RASAL2: variants seen among roughly 807,000 people sequenced by gnomAD.
RASAL2 encodes the protein ras GTPase-activating protein nGAP.
A neutral mutation model predicts 128.9 loss-of-function variants in RASAL2; 58 were observed. That is an observed-to-expected ratio of 0.45 (90% CI 0.36 to 0.56). The LOEUF (loss-of-function observed/expected upper bound fraction) is 0.56, where lower values mean the gene tolerates loss of function less well. Among genes scored for constraint, RASAL2 ranks in the 20% least tolerant of loss-of-function variants. RASAL2 has a pLI of 0.00. For missense variants in RASAL2, 1,360 were observed against 1,601.6 expected, an observed-to-expected ratio of 0.85 and a Z score of 2.57; for synonymous variants, 561 against 580.8, an observed-to-expected ratio of 0.97 and a Z score of 0.49.
At chr1:178,376,237 C>A (rs1481115696) in intron 3 of RASAL2, among the ~76,000 whole-genome samples, 1 of 152,044 alleles carries the variant, frequency 6.6e-6, no homozygotes, top group Non-Finnish European at 1.5e-5. Flanking sequence ...TGTTGATAAC[C>A]TGTGAAAGTG....
At chr1:178,331,224 G>A (rs527605561) in intron 3 of RASAL2, among the ~76,000 whole-genome samples, 3 of 152,202 alleles carry the variant, frequency 2.0e-5, no homozygotes, top group Non-Finnish European at 4.4e-5. Context: ...CTGTCACCCA[G>A]GCCAAGATAC....
chr1:178,288,622 G>C (rs569325851), intron 2 of RASAL2, among the ~76,000 whole-genome samples: 1 of 143,442 alleles, frequency 7.0e-6, no homozygotes. Flanking sequence ...ATTCCCATCA[G>C]CATGCTATTC....
intron 1 of RASAL2, among the ~76,000 whole-genome samples, chr1:178,185,788 A>G (rs985182392): frequency 1.3e-5 from 2 of 152,076 alleles, no homozygotes; most frequent in Admixed American, 6.5e-5. Flanking sequence ...ATGATTTGCT[A>G]ATATTTTGTT....
At chr1:178,415,680 A>G (rs1674705212) in intron 4 of RASAL2, among the ~76,000 whole-genome samples, 1 of 152,108 alleles carries the variant, frequency 6.6e-6, no homozygotes, top group South Asian at 2.1e-4. Flanking sequence ...GTCTTCAACT[A>G]TATAGATTTA....
chr1:178,354,749 A>G (rs1166545557), intron 3 of RASAL2, among the ~76,000 whole-genome samples: 1 of 152,266 alleles, frequency 6.6e-6, no homozygotes, highest in East Asian at 1.9e-4. Context: ...TAAATCTTTT[A>G]AAAGATGTGT....
intron 1 of RASAL2, among the ~76,000 whole-genome samples, chr1:178,164,732 G>A (rs1661459038): frequency 6.6e-6 from 1 of 151,318 alleles, no homozygotes; most frequent in Non-Finnish European, 1.5e-5. Context: ...TTTTGGTGGA[G>A]TGATATGTTG....
At position 178,464,831 on chromosome 1, in the gene RASAL2, G is replaced by GTTTTTTTTTTTTTTT. The variant is rs986789340; in HGVS notation, c.3387+430_3387+444dup. Among the ~76,000 whole-genome samples the GTTTTTTTTTTTTTTT allele has an allele frequency of 3.4e-3, 130 of 38,198 alleles. 2 individuals are homozygous for GTTTTTTTTTTTTTTT. The highest frequency in any genetic ancestry group is 8.0e-3 in the East Asian group (8 of 998). The allele number at this position is 38,198 out of a possible 152,430, so 25.1% of individuals were successfully genotyped here. A position where few individuals can be genotyped will look rare whatever the true frequency, so the allele number is the denominator to read the frequency against. On this transcript the variant is annotated intron_variant, in intron 15 of 17. Coordinates refer to ENST00000367649, the MANE Select transcript of RASAL2 (RefSeq NM_170692.4). ...TAACAATTAGGTTTTGGTTTTAGTT[G>GTTTTTTTTTTTTTTT]TTTTTTTTTTTTTTTTTTTTTTTTT... is the stretch of plus-strand genomic sequence containing the variant.
rs954359080 is a variant in RASAL2, at chr1:178,473,347, G to A, written c.*108G>A. The stretch of plus-strand genomic sequence containing the variant: ...CAGAATGTTGCTACTTCACAATGGC[G>A]ATGTGGTGAGAAACTCCTGAATGAA... On this transcript the variant is annotated 3_prime_UTR_variant, in exon 18 of 18. Transcript: ENST00000367649. 47 of 1,353,988 alleles carry A rather than the reference G, an allele frequency of 3.5e-5. No homozygotes were observed. The highest frequency in any genetic ancestry group is 6.6e-5 in the Admixed American group (3 of 45,734). The allele number at this position is 1,353,988 out of a possible 1,614,324, so 83.9% of individuals were successfully genotyped here.
At chr1:178,161,587 C>A (rs775698404) in intron 1 of RASAL2, among the ~76,000 whole-genome samples, 16 of 152,082 alleles carry the variant, frequency 1.1e-4, no homozygotes, top group African/African-American at 2.9e-4. Flanking sequence ...TTTGTGAACA[C>A]GTTTGTTGTT....
intron 1 of RASAL2, among the ~76,000 whole-genome samples, chr1:178,282,513 T>C (rs1335915479): frequency 1.3e-5 from 2 of 152,162 alleles, no homozygotes; most frequent in African/African-American, 4.8e-5. Context: ...GCCAGTAATA[T>C]ACCTATCATC....
Position 178,441,621 on chromosome 1 carries a change from C to T in RASAL2, c.901C>T (p.Leu301Phe). The part of the protein sequence containing the change: ...ASERDKWMEN[L>F]RRTVQPNKDN... ...TGAGAGAGACAAGTGGATGGAAAAC[C>T]TTCGCAGGACAGTTCAACCTAATAA... The change falls in exon 7 of 18, where the codon CTT (leucine) becomes TTT (phenylalanine). Residue 301 changes from leucine (L) to phenylalanine (F), a missense_variant. By Grantham distance (22) the Leu-to-Phe change is conservative. Around this residue, in one of 3 missense-constraint regions of RASAL2, gnomAD observed 617 missense variants for 714.2 expected, o/e 0.86. Coordinates refer to ENST00000367649, the MANE Select transcript of RASAL2 (RefSeq NM_170692.4). 1 of 1,612,286 alleles carries T rather than the reference C, an allele frequency of 6.2e-7. No individual in the cohort carries two copies.
intron 3 of RASAL2, among the ~76,000 whole-genome samples, chr1:178,389,700 C>T (rs1259838649): frequency 2.0e-5 from 3 of 152,170 alleles, no homozygotes; most frequent in Non-Finnish European, 2.9e-5. Context: ...AAATCATATG[C>T]AACATTAGAC....
chr1:178,193,090 T>G (rs1662545124), intron 1 of RASAL2, among the ~76,000 whole-genome samples: 1 of 152,184 alleles, frequency 6.6e-6, no homozygotes, highest in African/African-American at 2.4e-5. Flanking sequence ...AAAATATATT[T>G]AAATCTAGAT....
At chr1:178,353,361 T>G (rs1670624104) in intron 3 of RASAL2, among the ~76,000 whole-genome samples, 1 of 152,194 alleles carries the variant, frequency 6.6e-6, no homozygotes, top group Admixed American at 6.5e-5. Context: ...CAAAATTCCG[T>G]AGATCCCTAG....
At chr1:178,320,499 G>A (rs1206557092) in intron 3 of RASAL2, among the ~76,000 whole-genome samples, 2 of 152,218 alleles carry the variant, frequency 1.3e-5, no homozygotes, top group Non-Finnish European at 2.9e-5. Context: ...CTCGTGGTGC[G>A]CCGTTTTTTA....
At chr1:178,448,344 T>A (rs1156434861) in intron 9 of RASAL2, among the ~76,000 whole-genome samples, 2 of 152,196 alleles carry the variant, frequency 1.3e-5, no homozygotes, top group African/African-American at 2.4e-5. Flanking sequence ...TGGCTCACAC[T>A]GGTTTCAGGA....
intron 1 of RASAL2, among the ~76,000 whole-genome samples, chr1:178,120,588 C>G (rs1032985572): frequency 2.0e-5 from 3 of 152,190 alleles, no homozygotes; most frequent in Admixed American, 6.5e-5. Flanking sequence ...AGCCTGCCAC[C>G]AAATGTAGCT....
chr1:178,205,482 C>T (rs905352006), intron 1 of RASAL2, among the ~76,000 whole-genome samples: 4 of 151,972 alleles, frequency 2.6e-5, no homozygotes, highest in African/African-American at 7.2e-5. Context: ...ATGGGCCGGG[C>T]GCAGTGGATC....
intron 4 of RASAL2, among the ~76,000 whole-genome samples, chr1:178,391,592 A>G (rs1261684325): frequency 1.3e-5 from 2 of 152,232 alleles, no homozygotes; most frequent in Non-Finnish European, 2.9e-5. Flanking sequence ...GATTAGAAGA[A>G]TGTCTAATTT....
Sources: allele counts gnomAD v4.1 joint callset (sites outside exome capture counted in the v4.1 genomes callset), GRCh38; gene constraint gnomAD v4.1.1; regional missense constraint gnomAD v4.1.1; transcripts MANE v1.5; gene names NCBI Gene and HGNC (gene_info 2026-07-23, HGNC 2026-07-21).